The following SLCO6A1 variants were observed in gnomAD, a reference collection of about 807,000 sequenced individuals.
The protein encoded by SLCO6A1 is cancer/testis antigen 48.
SLCO6A1 carries 65 observed loss-of-function variants against 72.7 expected under a neutral mutation model. The ratio of observed to expected loss-of-function variants is 0.89; its 90% confidence interval spans 0.73 to 1.10. SLCO6A1 has a LOEUF of 1.10. SLCO6A1 is among the 50% of genes least tolerant of loss of function. The pLI is 0.00. For missense variants in SLCO6A1, 874 were observed against 872.6 expected (o/e 1.00, Z -0.02); for synonymous variants, 314 against 298.2 (o/e 1.05, Z -0.55).
chr5:102,491,032 T>A, intron 1 of SLCO6A1, among the ~76,000 whole-genome samples: 1 of 152,152 alleles, frequency 6.6e-6, no homozygotes, highest in Non-Finnish European at 1.5e-5. Context: ...GGCAGGGCGC[T>A]GATTGGTGCG....
At chr5:102,453,826 C>T (rs1750560733) in intron 6 of SLCO6A1, among the ~76,000 whole-genome samples, 1 of 152,092 alleles carries the variant, frequency 6.6e-6, no homozygotes, top group African/African-American at 2.4e-5. Flanking sequence ...GTCAGTAGGG[C>T]TTCCACTTTT....
intron 4 of SLCO6A1, among the ~76,000 whole-genome samples, chr5:102,460,143 C>T (rs1267222418): frequency 1.3e-5 from 2 of 152,128 alleles, no homozygotes; most frequent in Non-Finnish European, 2.9e-5. Flanking sequence ...TAAAATCATT[C>T]TTAAAAATCA....
intron 8 of SLCO6A1, 108 bp from the exon 9 acceptor site, chr5:102,413,251 C>A (rs1360161373): frequency 2.7e-6 from 3 of 1,110,950 alleles, no homozygotes; most frequent in Non-Finnish European, 3.8e-6. Flanking sequence ...GAAATAATTT[C>A]TTTTTTTAAC....
chr5:102,409,823 A>T (rs1178545587), intron 9 of SLCO6A1, among the ~76,000 whole-genome samples: 1 of 152,184 alleles, frequency 6.6e-6, no homozygotes, highest in East Asian at 1.9e-4. Flanking sequence ...TCTCTAAAAG[A>T]GATTCCCTAG....
intron 1 of SLCO6A1, among the ~76,000 whole-genome samples, chr5:102,485,689 T>G (rs566590134): frequency 6.6e-6 from 1 of 152,318 alleles, no homozygotes; most frequent in Admixed American, 6.5e-5. Flanking sequence ...TTGCGCCTGT[T>G]TTTTTCCAGA....
chr5:102,480,389 T>C lies in SLCO6A1; in HGVS notation c.404A>G (p.Lys135Arg), dbSNP rs751403198. 1.2e-6 allele frequency: 2 copies of C among 1,613,402 alleles called. No individual in the cohort carries two copies. The highest frequency in any genetic ancestry group is 8.5e-7 in the Non-Finnish European group (1 of 1,179,544). ...LIDVSIGDFQ[K>R]EYQLKTIEKL... is the part of the protein sequence containing the mutation. ...CTCAATGGTTTTCAGTTGATATTCC[T>C]TCTGAAAATCGCCAATGCTGACATC... Residue 135 changes from lysine (K) to arginine (R), a missense_variant, in exon 2 of 14, where the codon AAG (lysine) becomes AGG (arginine). Lys to Arg is a conservative substitution (Grantham distance 26). Coordinates refer to ENST00000506729, the MANE Select transcript of SLCO6A1 (RefSeq NM_173488.5).
chr5:102,433,238 T>C (rs911066732), intron 7 of SLCO6A1, among the ~76,000 whole-genome samples: 10 of 152,338 alleles, frequency 6.6e-5, no homozygotes, highest in African/African-American at 2.4e-4. Flanking sequence ...TTTTTGTTCC[T>C]ATCCATATTC....
intron 9 of SLCO6A1, among the ~76,000 whole-genome samples, chr5:102,409,732 A>G (rs1747870408): frequency 6.6e-6 from 1 of 152,188 alleles, no homozygotes. Context: ...GATTATTTCT[A>G]TCACTGTTAT....
chr5:102,389,446 C>CG lies in SLCO6A1; in HGVS notation c.1880-622_1880-621insC, dbSNP rs1243453745. Reference sequence around the variant, plus strand: ...AGTGAGTGAACAGTCACACACCCCGCCCCCCACCCCCACACACACAGAGTT... The same window carrying CG: ...AGTGAGTGAACAGTCACACACCCCGCGCCCCCACCCCCACACACACAGAGTT... On this transcript the variant is annotated intron_variant, in intron 11 of 13. Transcript: ENST00000506729. Among the ~76,000 whole-genome samples, 42 of 43,880 alleles carry CG rather than the reference C, an allele frequency of 9.6e-4. 3 individuals are homozygous for CG. Among genetic ancestry groups the CG allele is most frequent in the African/African-American group, 4.2e-3 (42 of 9,968 alleles). 28.8% of individuals were successfully genotyped at this position (43,880 alleles called of 152,430 possible). A position where few individuals can be genotyped will look rare whatever the true frequency, so the allele number is the denominator to read the frequency against.
intron 9 of SLCO6A1, among the ~76,000 whole-genome samples, chr5:102,403,862 G>C (rs1747527345): frequency 6.6e-6 from 1 of 151,994 alleles, no homozygotes; most frequent in Non-Finnish European, 1.5e-5. Flanking sequence ...AACAAGTACA[G>C]CATATAATCA....
At chr5:102,385,754 T>C (rs1242649379) in intron 12 of SLCO6A1, among the ~76,000 whole-genome samples, 2 of 152,150 alleles carry the variant, frequency 1.3e-5, no homozygotes, top group African/African-American at 2.4e-5. Context: ...GTGTAGCTTA[T>C]TGAGCTTCAA....
intron 8 of SLCO6A1, among the ~76,000 whole-genome samples, chr5:102,413,436 T>A (rs954242630): frequency 2.0e-5 from 3 of 152,052 alleles, no homozygotes; most frequent in African/African-American, 7.2e-5. Flanking sequence ...AAAAGTTTCC[T>A]TGTGCCCCTT....
At chr5:102,471,141 A>G (rs756358274) in intron 4 of SLCO6A1, among the ~76,000 whole-genome samples, 1 of 151,958 alleles carries the variant, frequency 6.6e-6, no homozygotes, top group Non-Finnish European at 1.5e-5. Flanking sequence ...AAAAAAAGAG[A>G]CAGAGGCTCA....
intron 7 of SLCO6A1, among the ~76,000 whole-genome samples, chr5:102,428,571 G>A (rs984783018): frequency 1.3e-4 from 20 of 152,084 alleles, no homozygotes; most frequent in African/African-American, 4.1e-4. Flanking sequence ...TGTCACAAGG[G>A]TTTGTTATAC....
At chr5:102,387,921 C>A (rs1044417485) in intron 12 of SLCO6A1, among the ~76,000 whole-genome samples, 2 of 152,116 alleles carry the variant, frequency 1.3e-5, no homozygotes, top group Non-Finnish European at 2.9e-5. Context: ...TCTAGACTTT[C>A]CCAACACTTT....
chr5:102,442,217 C>T (rs1011481155), intron 6 of SLCO6A1, among the ~76,000 whole-genome samples: 14 of 152,078 alleles, frequency 9.2e-5, no homozygotes, highest in Non-Finnish European at 1.8e-4. Context: ...TATTATATTA[C>T]ACTAGGCAGA....
chr5:102,463,208 C>A (rs1306085571), intron 4 of SLCO6A1, among the ~76,000 whole-genome samples: 2 of 152,092 alleles, frequency 1.3e-5, no homozygotes, highest in Non-Finnish European at 2.9e-5. Context: ...CAAGTTAAAA[C>A]CACAATGAGA....
chr5:102,407,255 C>A (rs1747722535), intron 9 of SLCO6A1, among the ~76,000 whole-genome samples: 1 of 152,166 alleles, frequency 6.6e-6, no homozygotes, highest in Non-Finnish European at 1.5e-5. Flanking sequence ...ACCCCCTGCC[C>A]TTTTCCTAGA....
At chr5:102,385,008 T>A (rs1746329604) in intron 12 of SLCO6A1, among the ~76,000 whole-genome samples, 1 of 152,290 alleles carries the variant, frequency 6.6e-6, no homozygotes, top group East Asian at 1.9e-4. Context: ...AAGTCAGGTC[T>A]AGTGGTGGTG....
Sources: allele counts gnomAD v4.1 joint callset (sites outside exome capture counted in the v4.1 genomes callset), GRCh38; gene constraint gnomAD v4.1.1; transcripts MANE v1.5; gene names NCBI Gene and HGNC (gene_info 2026-07-23, HGNC 2026-07-21).